The following SNTG2 variants were observed in gnomAD, a reference collection of about 807,000 sequenced individuals.
SNTG2 encodes the protein syntrophin gamma 2.
A neutral mutation model predicts 70.9 loss-of-function variants in SNTG2; 74 were observed. The ratio of observed to expected loss-of-function variants is 1.04; its 90% CI spans 0.86 to 1.27. The LOEUF (loss-of-function observed/expected upper bound fraction) is 1.27, where lower values mean the gene tolerates loss of function less well. Among genes scored for constraint, SNTG2 ranks in the 50% most tolerant of loss-of-function variants. The pLI is 0.00. For missense variants in SNTG2, 717 were observed against 690.7 expected (o/e 1.04, Z -0.43); for synonymous variants, 278 against 273.8 (o/e 1.02, Z -0.15).
intron 14 of SNTG2, among the ~76,000 whole-genome samples, chr2:1,303,935 C>T (rs531674284): frequency 6.6e-6 from 1 of 152,252 alleles, no homozygotes; most frequent in East Asian, 1.9e-4. Flanking sequence ...GGTAGCCTTA[C>T]CATTACTAAG....
chr2:1,017,190 T>C (rs11127445), intron 1 of SNTG2, among the ~76,000 whole-genome samples: 55,524 of 151,978 alleles, frequency 0.37, 11,009 homozygotes, highest in Middle Eastern at 0.52. Flanking sequence ...ACAGAGAATC[T>C]ACTCTGTCAG....
chr2:1,261,749 C>T (rs1477396586), intron 13 of SNTG2, among the ~76,000 whole-genome samples: 1 of 152,144 alleles, frequency 6.6e-6, no homozygotes, highest in Non-Finnish European at 1.5e-5. Context: ...TCCCTAGGAA[C>T]CTTGCTAAGC....
At chr2:1,136,885 T>C (rs1668419955) in intron 4 of SNTG2, among the ~76,000 whole-genome samples, 2 of 152,202 alleles carry the variant, frequency 1.3e-5, no homozygotes, top group African/African-American at 4.8e-5. Flanking sequence ...TACAGTTGTT[T>C]TGATCAGAGC....
chr2:1,223,891 T>C (rs62107215), intron 9 of SNTG2, among the ~76,000 whole-genome samples: 5 of 127,082 alleles, frequency 3.9e-5, no homozygotes, highest in Admixed American at 7.7e-5. Flanking sequence ...GGTGGCCTTA[T>C]GCAGCAGACA....
intron 16 of SNTG2, among the ~76,000 whole-genome samples, chr2:1,332,843 A>G (rs1659602978): frequency 6.6e-6 from 1 of 152,182 alleles, no homozygotes; most frequent in Non-Finnish European, 1.5e-5. Flanking sequence ...ACCCACAGCC[A>G]ACATCATACT....
At chr2:1,118,557 G>C (rs973565633) in intron 4 of SNTG2, among the ~76,000 whole-genome samples, 7 of 151,894 alleles carry the variant, frequency 4.6e-5, no homozygotes, top group African/African-American at 1.5e-4. Flanking sequence ...ATAAGAATCA[G>C]ATAGCATAAA....
At chr2:1,324,505 T>G (rs144035410) in intron 16 of SNTG2, among the ~76,000 whole-genome samples, 115 of 152,294 alleles carry the variant, frequency 7.6e-4, no homozygotes, top group African/African-American at 2.7e-3. Context: ...ACTTCATGAA[T>G]AAAATTAAAT....
chr2:1,054,947 G>GTTTTTT (rs1240171036), intron 1 of SNTG2, among the ~76,000 whole-genome samples: 4 of 150,702 alleles, frequency 2.7e-5, no homozygotes, highest in Non-Finnish European at 4.4e-5. Flanking sequence ...TTTTGTTTTT[G>GTTTTTT]TTTTTGTTTT....
Position 1,148,535 on chromosome 2 carries a change from C to A in SNTG2, c.411+10726C>A, listed in dbSNP as rs577411497. Among the ~76,000 whole-genome samples, 9 of 152,320 alleles carry A rather than the reference C, an allele frequency of 5.9e-5. No homozygotes were observed. The South Asian group carries it at 1.9e-3, about 32-fold the overall frequency. Reference sequence around the variant, plus strand: ...GCTAAGGACCTGCCTGTGAGCTCTTCATGCTGAAGATGCCAGCTTGCTATT... The same window carrying A: ...GCTAAGGACCTGCCTGTGAGCTCTTAATGCTGAAGATGCCAGCTTGCTATT... On this transcript the variant is annotated intron_variant, in intron 6 of 16. Transcript: ENST00000308624.
At chr2:1,031,125 A>G (rs1660791594) in intron 1 of SNTG2, among the ~76,000 whole-genome samples, 1 of 152,238 alleles carries the variant, frequency 6.6e-6, no homozygotes, top group Non-Finnish European at 1.5e-5. Context: ...TGCATGAAAC[A>G]GTGTGAAATT....
chr2:1,086,515 A>G (rs1664696026), intron 2 of SNTG2, among the ~76,000 whole-genome samples: 1 of 152,360 alleles, frequency 6.6e-6, no homozygotes, highest in East Asian at 1.9e-4. Flanking sequence ...TTTATGACAT[A>G]GAAACCACCA....
chr2:1,074,138 G>A (rs375030405), intron 1 of SNTG2, among the ~76,000 whole-genome samples: 2 of 152,188 alleles, frequency 1.3e-5, no homozygotes, highest in East Asian at 1.9e-4. Flanking sequence ...GAAGACACGG[G>A]GAGGACTCTG....
intron 1 of SNTG2, among the ~76,000 whole-genome samples, chr2:1,049,450 A>G (rs1661929721): frequency 1.3e-5 from 2 of 152,150 alleles, no homozygotes; most frequent in Admixed American, 6.5e-5. Flanking sequence ...CCTTACTAAC[A>G]TGAATTTAAG....
At chr2:966,067 AG>A (rs1660555041) in intron 1 of SNTG2, among the ~76,000 whole-genome samples, 1 of 152,142 alleles carries the variant, frequency 6.6e-6, no homozygotes, top group African/African-American at 2.4e-5. Flanking sequence ...ATGCATGCCC[AG>A]GGTCCCCCGC....
intron 14 of SNTG2, among the ~76,000 whole-genome samples, chr2:1,300,899 C>T (rs1415703470): frequency 6.6e-6 from 1 of 152,102 alleles, no homozygotes; most frequent in African/African-American, 2.4e-5. Context: ...TTCGCCACTG[C>T]AGCATGTGTC....
chr2:1,020,825 A>G (rs531125466), intron 1 of SNTG2, among the ~76,000 whole-genome samples: 310 of 152,274 alleles, frequency 2.0e-3, no homozygotes, highest in African/African-American at 7.1e-3. Context: ...TTTTAACCAT[A>G]TGTATATATA....
At position 1,209,088 on chromosome 2, in the gene SNTG2, C is replaced by T; in HGVS notation, c.592-15C>T. ...TCTGCCTCTGTGACGCTTCATTCTCCTTTCTTCTGTACAGGCCCCATCGTC... is the reference window on the plus strand; with the variant it reads ...TCTGCCTCTGTGACGCTTCATTCTCTTTTCTTCTGTACAGGCCCCATCGTC... On this transcript the variant is annotated splice_polypyrimidine_tract_variant and intron_variant, in intron 8 of 16. Coordinates refer to ENST00000308624, the MANE Select transcript of SNTG2 (RefSeq NM_018968.4). The T allele has an allele frequency of 6.2e-6, 10 of 1,613,330 alleles. No individual in the cohort carries two copies. Among genetic ancestry groups the T allele is most frequent in the Non-Finnish European group, 8.5e-6 (10 of 1,179,674 alleles).
At chr2:993,575 C>T (rs978484392) in intron 1 of SNTG2, among the ~76,000 whole-genome samples, 1 of 152,130 alleles carries the variant, frequency 6.6e-6, no homozygotes, top group East Asian at 1.9e-4. Context: ...TTTCAAAACT[C>T]CTAAAATCAG....
chr2:1,255,823 T>TATATAAATAA (rs1678025742), intron 12 of SNTG2, among the ~76,000 whole-genome samples: 3 of 73,280 alleles, frequency 4.1e-5, no homozygotes, highest in Admixed American at 3.8e-4. Context: ...GTTGTATGTA[T>TATATAAATAA]ATATATATAA....
Sources: gnomAD v4.1 joint callset for allele counts (sites outside exome capture counted in the v4.1 genomes callset) on GRCh38, gnomAD v4.1.1 for gene constraint, MANE v1.5 for transcripts, NCBI Gene and HGNC (gene_info 2026-07-23, HGNC 2026-07-21) for gene names.